PTPRN2: variants seen among roughly 807,000 people sequenced by gnomAD.
PTPRN2 encodes receptor-type tyrosine-protein phosphatase N2.
Under a neutral mutation model 118.8 loss-of-function variants are expected in PTPRN2, and 74 were observed. The observed-to-expected ratio is 0.62, with a 90% CI of 0.52 to 0.76. The LOEUF (loss-of-function observed/expected upper bound fraction) is 0.76. Among genes scored for constraint, PTPRN2 ranks in the 30% least tolerant of loss-of-function variants. The pLI is 0.00. For synonymous variants in PTPRN2, 641 were observed against 608.0 expected (o/e 1.05, Z -0.80); for missense variants, 1,481 against 1,394.4 (o/e 1.06, Z -0.99).
chr7:157,942,954 G>C lies in PTPRN2; in HGVS notation c.1724-44217C>G, dbSNP rs1409049722. On this transcript the variant is annotated intron_variant, in intron 11 of 22. Coordinates refer to ENST00000389418, the MANE Select transcript of PTPRN2 (RefSeq NM_002847.5). ...GTCAAACACACCGTCTCCCATCCCT[G>C]GCATTTCCATGCCCTCACTTGACGA... Among the ~76,000 whole-genome samples, 3 of 152,124 alleles carry C rather than the reference G, an allele frequency of 2.0e-5. No homozygotes were observed. The East Asian group carries it at 5.8e-4, about 29-fold the overall frequency.
intron 12 of PTPRN2, among the ~76,000 whole-genome samples, chr7:157,741,720 A>G (rs1800643957): frequency 6.6e-6 from 1 of 152,138 alleles, no homozygotes; most frequent in African/African-American, 2.4e-5. Context: ...TGTTTGGCCA[A>G]ACCATAGTCT....
intron 12 of PTPRN2, among the ~76,000 whole-genome samples, chr7:157,756,792 GAAAA>G (rs35163250): frequency 4.5e-5 from 6 of 133,916 alleles, no homozygotes; most frequent in African/African-American, 1.6e-4. Context: ...GAGAAGGGAG[GAAAA>G]AAAAAAAAAA....
chr7:158,205,762 C>T lies in PTPRN2; in HGVS notation c.278-489G>A, dbSNP rs577821400. Among the ~76,000 whole-genome samples, 13 of 152,234 alleles carry T rather than the reference C, an allele frequency of 8.5e-5. 1 individual carries two copies. In the South Asian group the frequency reaches 2.1e-3, roughly 24 times the overall value. Reference sequence around the variant, plus strand: ...GTGGCTGTGTGCCCCAGAGAGAGAACGCATGCACTTGGGAGAGAGAGCACA... The same window carrying T: ...GTGGCTGTGTGCCCCAGAGAGAGAATGCATGCACTTGGGAGAGAGAGCACA... On this transcript the variant is annotated intron_variant, in intron 3 of 22. Coordinates refer to ENST00000389418, the MANE Select transcript of PTPRN2 (RefSeq NM_002847.5).
intron 1 of PTPRN2, among the ~76,000 whole-genome samples, chr7:158,569,185 T>C (rs1392835350): frequency 1.3e-5 from 2 of 152,234 alleles, no homozygotes; most frequent in Admixed American, 1.3e-4. Flanking sequence ...TTTAGGTATT[T>C]TAAGGGGAAT....
chr7:157,584,839 G>A (rs560743575), intron 17 of PTPRN2, among the ~76,000 whole-genome samples: 23 of 152,324 alleles, frequency 1.5e-4, no homozygotes, highest in Admixed American at 1.2e-3. Context: ...GACATCTTTT[G>A]CAGGGGAAAC....
intron 2 of PTPRN2, among the ~76,000 whole-genome samples, chr7:158,326,854 CAT>C (rs1171112925): frequency 2.0e-5 from 3 of 151,800 alleles, no homozygotes; most frequent in East Asian, 3.9e-4. Flanking sequence ...TTCTCACACA[CAT>C]GCTCATTCTC....
intron 1 of PTPRN2, among the ~76,000 whole-genome samples, chr7:158,505,997 T>A (rs1038612904): frequency 1.3e-5 from 2 of 152,142 alleles, no homozygotes; most frequent in African/African-American, 4.8e-5. Flanking sequence ...CGTCCTCACA[T>A]GTGATGGCCG....
At chr7:158,524,670 C>T (rs572716297) in intron 1 of PTPRN2, among the ~76,000 whole-genome samples, 4 of 152,248 alleles carry the variant, frequency 2.6e-5, no homozygotes, top group African/African-American at 7.2e-5. Context: ...AAGGTGACTG[C>T]GTTTGGAAAT....
intron 6 of PTPRN2, among the ~76,000 whole-genome samples, chr7:158,163,715 A>G (rs895754780): frequency 2.0e-5 from 3 of 149,598 alleles, no homozygotes; most frequent in African/African-American, 7.5e-5. Context: ...TGTGTATTTC[A>G]TAGGTGATGC....
intron 2 of PTPRN2, among the ~76,000 whole-genome samples, chr7:158,328,833 G>A (rs1052097550): frequency 2.0e-5 from 3 of 149,120 alleles, no homozygotes; most frequent in African/African-American, 7.5e-5. Context: ...GGAGGCCTGG[G>A]ACAGTAAATC....
At chr7:158,081,519 G>A in intron 10 of PTPRN2, 142 bp from the exon 11 acceptor site, 1 of 723,750 alleles carries the variant, frequency 1.4e-6, no homozygotes, top group South Asian at 1.7e-5. Context: ...GACTCCACTG[G>A]ACGTCGGTTT....
intron 2 of PTPRN2, among the ~76,000 whole-genome samples, chr7:158,361,313 TG>T (rs1343516163): frequency 0.11 from 160 of 1,404 alleles, no homozygotes; most frequent in Non-Finnish European, 0.14. Context: ...ACAGACCCCG[TG>T]TCCACCCTCA....
chr7:157,993,344 C>T (rs1804400382), intron 11 of PTPRN2, among the ~76,000 whole-genome samples: 1 of 151,874 alleles, frequency 6.6e-6, no homozygotes, highest in Non-Finnish European at 1.5e-5. Flanking sequence ...AAAAAAACCA[C>T]CTAAGCAGCC....
chr7:158,407,205 T>C (rs1342110115), intron 2 of PTPRN2, among the ~76,000 whole-genome samples: 5,040 of 25,044 alleles, frequency 0.2, 304 homozygotes, highest in East Asian at 0.35. Context: ...TCCTGGGTCC[T>C]GGGTCCTGCG....
Position 158,310,131 on chromosome 7 carries a change from G to A in PTPRN2, c.277+6688C>T, listed in dbSNP as rs186905486. Among the ~76,000 whole-genome samples the A allele has an allele frequency of 3.2e-4, 49 of 152,296 alleles. No homozygotes were observed. In the East Asian group the frequency reaches 9.3e-3, roughly 29 times the overall value. On this transcript the variant is annotated intron_variant, in intron 3 of 22. Transcript: ENST00000389418. ...TTTTGTGACAGCAACTCGAACAAGA[G>A]AAAAATTGGCACCGGGAAGTAGCAG...
At chr7:158,154,594 A>G (rs1821530160) in intron 6 of PTPRN2, among the ~76,000 whole-genome samples, 1 of 152,228 alleles carries the variant, frequency 6.6e-6, no homozygotes. Flanking sequence ...TATGGTAAAG[A>G]TCAGAGAACA....
At chr7:158,264,010 C>T (rs957958739) in intron 3 of PTPRN2, among the ~76,000 whole-genome samples, 14 of 152,218 alleles carry the variant, frequency 9.2e-5, no homozygotes, top group African/African-American at 2.9e-4. Context: ...TCCAACTCTA[C>T]CCCTGCCACT....
chr7:157,753,365 T>C (rs981004450), intron 12 of PTPRN2, among the ~76,000 whole-genome samples: 1 of 152,122 alleles, frequency 6.6e-6, no homozygotes, highest in African/African-American at 2.4e-5. Context: ...GAACTTACAA[T>C]AGGAAGTGCA....
intron 12 of PTPRN2, among the ~76,000 whole-genome samples, chr7:157,840,472 C>T (rs1489167998): frequency 2.0e-5 from 3 of 151,192 alleles, no homozygotes. Context: ...GACTGTGTGG[C>T]CACGTGTGAC....
Sources: gnomAD v4.1 joint callset for allele counts (sites outside exome capture counted in the v4.1 genomes callset) on GRCh38, gnomAD v4.1.1 for gene constraint, MANE v1.5 for transcripts, NCBI Gene and HGNC (gene_info 2026-07-23, HGNC 2026-07-21) for gene names.